The following KLRD1 variants were observed in gnomAD, a reference collection of about 807,000 sequenced individuals.
KLRD1 encodes the protein killer cell lectin like receptor D1.
In KLRD1, 21 loss-of-function variants were observed where a neutral mutation model predicts 22.6. The ratio of observed to expected loss-of-function variants is 0.93; its 90% CI spans 0.66 to 1.34. The LOEUF is 1.34. Ranked by LOEUF, KLRD1 falls within the 40% of genes most tolerant of loss-of-function variation. KLRD1 has a pLI of 0.00. For missense variants in KLRD1, 183 were observed against 208.6 expected, an observed-to-expected ratio of 0.88 and a Z score of 0.76; for synonymous variants, 59 against 71.1, an observed-to-expected ratio of 0.83 and a Z score of 0.85.
intron 1 of KLRD1, among the ~76,000 whole-genome samples, chr12:10,240,001 C>G (rs978272247): frequency 6.6e-5 from 10 of 151,926 alleles, no homozygotes; most frequent in African/African-American, 2.2e-4. Context: ...GTAATCTGCT[C>G]TAGAAGAAAA....
chr12:10,313,534 G>T, intron 5 of KLRD1, 21 bp downstream of exon 5: 1 of 1,401,758 alleles, frequency 7.1e-7, no homozygotes, highest in Non-Finnish European at 9.8e-7. Context: ...GGCAATCATG[G>T]CGTTTTTTGC....
intron 1 of KLRD1, among the ~76,000 whole-genome samples, chr12:10,297,971 C>G (rs2137673925): frequency 6.6e-6 from 1 of 152,262 alleles, no homozygotes; most frequent in East Asian, 1.9e-4. Context: ...CTTCTTTTCT[C>G]CCTGATCAAT....
chr12:10,247,483 C>T (rs989472809), intron 1 of KLRD1, among the ~76,000 whole-genome samples: 1 of 151,962 alleles, frequency 6.6e-6, no homozygotes, highest in Non-Finnish European at 1.5e-5. Context: ...TAATACCTTT[C>T]CATCTTAGGC....
chr12:10,243,856 A>T (rs949245240), intron 1 of KLRD1, among the ~76,000 whole-genome samples: 2 of 152,162 alleles, frequency 1.3e-5, no homozygotes, highest in Admixed American at 6.6e-5. Flanking sequence ...AGTTTGATTT[A>T]AAAATACAAT....
intron 1 of KLRD1, among the ~76,000 whole-genome samples, chr12:10,245,721 A>T (rs1280824114): frequency 7.9e-5 from 12 of 152,238 alleles, no homozygotes; most frequent in African/African-American, 2.9e-4. Flanking sequence ...CTTCCATGAC[A>T]GTCAAAGTAC....
chr12:10,269,727 T>C (rs1275655965), intron 1 of KLRD1, among the ~76,000 whole-genome samples: 2 of 152,144 alleles, frequency 1.3e-5, no homozygotes, highest in Non-Finnish European at 2.9e-5. Context: ...ATGTTTTGGG[T>C]TGTTTTTCTT....
intron 1 of KLRD1, among the ~76,000 whole-genome samples, chr12:10,267,321 A>G (rs552681336): frequency 6.6e-6 from 1 of 152,252 alleles, no homozygotes; most frequent in South Asian, 2.1e-4. Context: ...TCAATTTATA[A>G]TGTCTTCACT....
Position 10,243,631 on chromosome 12 carries a change from A to AAAAAAAAAAAAAG in KLRD1, c.-101+17400_-101+17401insAAAAAAAAAAGAA, listed in dbSNP as rs771543645. Among the ~76,000 whole-genome samples the AAAAAAAAAAAAAG allele has an allele frequency of 4.0e-4, 47 of 118,768 alleles. 5 individuals carry two copies. Among genetic ancestry groups the AAAAAAAAAAAAAG allele is most frequent in the East Asian group, 3.3e-3 (10 of 3,026 alleles). 77.9% of individuals were successfully genotyped at this position (118,768 alleles called of 152,430 possible). A position where few individuals can be genotyped will look rare whatever the true frequency, so the allele number is the denominator to read the frequency against. On this transcript the variant is annotated intron_variant, in intron 1 of 5. Transcript: ENST00000544747. ...CCAAAAAAAAAAAAAAAAAAAAAAAAAACCGAAATGAAAGATATGGAACAA... is the reference window on the plus strand; with the variant it reads ...CCAAAAAAAAAAAAAAAAAAAAAAAAAAAAAAAAAAAAGAACCGAAATGAAAGATATGGAACAA...
chr12:10,313,366 T>G, intron 4 of KLRD1, 44 bp from the exon 5 acceptor site: 1 of 1,156,314 alleles, frequency 8.6e-7, no homozygotes, highest in East Asian at 2.4e-5. Flanking sequence ...ATTCCCAGAA[T>G]AGATTAAAAT....
At chr12:10,243,426 C>T (rs1218073278) in intron 1 of KLRD1, among the ~76,000 whole-genome samples, 2 of 151,690 alleles carry the variant, frequency 1.3e-5, no homozygotes, top group Non-Finnish European at 2.9e-5. Context: ...CCAGCCTGGC[C>T]AACATGGCAA....
intron 1 of KLRD1, among the ~76,000 whole-genome samples, chr12:10,256,090 T>C (rs1249291910): frequency 6.6e-6 from 1 of 152,076 alleles, no homozygotes; most frequent in Non-Finnish European, 1.5e-5. Flanking sequence ...TTGTCTTTTA[T>C]ATATATACAT....
chr12:10,283,688 C>T (rs2137657058), intron 1 of KLRD1, among the ~76,000 whole-genome samples: 1 of 152,150 alleles, frequency 6.6e-6, no homozygotes, highest in Admixed American at 6.5e-5. Context: ...ATTGACTCCA[C>T]CTACCTGGAA....
intron 1 of KLRD1, among the ~76,000 whole-genome samples, chr12:10,257,870 G>A (rs982288739): frequency 6.6e-6 from 1 of 151,978 alleles, no homozygotes; most frequent in Non-Finnish European, 1.5e-5. Context: ...TCTTTGCCAA[G>A]GCAATTCTCT....
chr12:10,284,038 A>T (rs1398729313), intron 1 of KLRD1, among the ~76,000 whole-genome samples: 2 of 144,744 alleles, frequency 1.4e-5, no homozygotes, highest in African/African-American at 5.3e-5. Context: ...AAAAAAAAAA[A>T]TAGCTGGGCA....
At chr12:10,299,156 A>G (rs953140770) in intron 1 of KLRD1, among the ~76,000 whole-genome samples, 1 of 150,736 alleles carries the variant, frequency 6.6e-6, no homozygotes, top group Non-Finnish European at 1.5e-5. Context: ...AGTCTCTTCC[A>G]TGTTACCATT....
At chr12:10,301,846 C>G (rs895002423), upstream of KLRD1, among the ~76,000 whole-genome samples, 12 of 152,294 alleles carry the variant, frequency 7.9e-5, no homozygotes, top group African/African-American at 2.6e-4. Flanking sequence ...ACATGAGAGT[C>G]TTCCTTTCAC....
At chr12:10,312,148 G>T (rs1486422876) in intron 4 of KLRD1, among the ~76,000 whole-genome samples, 5 of 150,140 alleles carry the variant, frequency 3.3e-5, no homozygotes, top group Non-Finnish European at 7.4e-5. Flanking sequence ...CACCTCCTGG[G>T]TTCAAGTGAT....
intron 1 of KLRD1, among the ~76,000 whole-genome samples, chr12:10,278,405 G>A (rs1394168444): frequency 6.6e-6 from 1 of 152,020 alleles, no homozygotes; most frequent in Non-Finnish European, 1.5e-5. Context: ...AAAGTATTTG[G>A]TGGACTTCCA....
chr12:10,243,631 A>AAAAAG lies in KLRD1; in HGVS notation c.-101+17400_-101+17401insAAGAA, dbSNP rs771543645. Among the ~76,000 whole-genome samples, 59 of 118,780 alleles carry AAAAAG rather than the reference A, an allele frequency of 5.0e-4. 10 individuals are homozygous for AAAAAG. The highest frequency in any genetic ancestry group is 2.2e-3 in the African/African-American group (53 of 24,116). The allele number at this position is 118,780 out of a possible 152,430, so 77.9% of individuals were successfully genotyped here. On this transcript the variant is annotated intron_variant, in intron 1 of 5. Transcript: ENST00000544747. The stretch of plus-strand genomic sequence containing the variant: ...CCAAAAAAAAAAAAAAAAAAAAAAA[A>AAAAAG]AACCGAAATGAAAGATATGGAACAA...
Sources: allele counts gnomAD v4.1 joint callset (sites outside exome capture counted in the v4.1 genomes callset), GRCh38; gene constraint gnomAD v4.1.1; transcripts MANE v1.5; gene names NCBI Gene and HGNC (gene_info 2026-07-23, HGNC 2026-07-21).